Variants in POC1A observed in about 807,000 individuals in gnomAD.
The protein encoded by POC1A is POC1 centriolar protein A.
Under a neutral mutation model 47.8 loss-of-function variants are expected in POC1A, and 34 were observed. That is an observed-to-expected ratio of 0.71 (90% CI 0.54 to 0.95). The LOEUF is 0.95. Ranked by LOEUF, POC1A falls within the 40% of genes least tolerant of loss-of-function variation. The pLI, the probability that POC1A is intolerant of heterozygous loss-of-function variation, is 0.00. For missense variants in POC1A, 466 were observed against 528.3 expected (o/e 0.88, Z 1.16); for synonymous variants, 177 against 207.6 (o/e 0.85, Z 1.27).
At chr3:52,133,062 G>T (rs1205441540) in intron 7 of POC1A, among the ~76,000 whole-genome samples, 1 of 151,860 alleles carries the variant, frequency 6.6e-6, no homozygotes, top group Non-Finnish European at 1.5e-5. Context: ...AAAAAAGAAA[G>T]AAAGAAATTG....
At chr3:52,115,147 G>T (rs1311659700) in intron 9 of POC1A, among the ~76,000 whole-genome samples, 1 of 151,954 alleles carries the variant, frequency 6.6e-6, no homozygotes, top group Admixed American at 6.6e-5. Context: ...CCCTTTAATA[G>T]TATTTTTTTT....
chr3:52,103,625 G>C (rs1234670638), intron 9 of POC1A, among the ~76,000 whole-genome samples: 1 of 152,116 alleles, frequency 6.6e-6, no homozygotes, highest in African/African-American at 2.4e-5. Context: ...CTTGGGTTGG[G>C]TATATTCCTT....
intron 10 of POC1A, among the ~76,000 whole-genome samples, chr3:52,095,055 C>A (rs1046781351): frequency 3.9e-5 from 6 of 152,232 alleles, no homozygotes; most frequent in African/African-American, 1.4e-4. Context: ...TTTTTAACCA[C>A]CTTCTCAGAC....
intron 9 of POC1A, among the ~76,000 whole-genome samples, chr3:52,114,866 G>A (rs1201222507): frequency 6.6e-6 from 1 of 152,232 alleles, no homozygotes; most frequent in African/African-American, 2.4e-5. Context: ...CCTTAGAAGA[G>A]GGTCTGCTTT....
Position 52,154,396 on chromosome 3 carries a change from C to T in POC1A, c.-24G>A. The T allele has an allele frequency of 6.9e-7, 1 of 1,458,892 alleles. No individual in the cohort carries two copies. 90.4% of individuals were successfully genotyped at this position (1,458,892 alleles called of 1,614,324 possible). Reference sequence around the variant, plus strand: ...ATGGCGGGGCTGGCGGCGCCGAAGGCAGCTGCGGTGGCCGTTGCGGCCCGT... The same window carrying T: ...ATGGCGGGGCTGGCGGCGCCGAAGGTAGCTGCGGTGGCCGTTGCGGCCCGT... On this transcript the variant is annotated 5_prime_UTR_variant, in exon 1 of 11. Coordinates refer to ENST00000296484, the MANE Select transcript of POC1A (RefSeq NM_015426.5).
At chr3:52,086,573 T>C (rs1577804673) in intron 10 of POC1A, among the ~76,000 whole-genome samples, 1 of 152,372 alleles carries the variant, frequency 6.6e-6, no homozygotes, top group East Asian at 1.9e-4. Context: ...CCTGTGTGCG[T>C]ACACACGCAG....
At chr3:52,097,236 G>T (rs1239972361) in intron 9 of POC1A, among the ~76,000 whole-genome samples, 3 of 152,232 alleles carry the variant, frequency 2.0e-5, no homozygotes, top group African/African-American at 7.2e-5. Flanking sequence ...CTTGGTGGAA[G>T]TGTGTGTGTG....
intron 7 of POC1A, among the ~76,000 whole-genome samples, chr3:52,130,971 G>A (rs1023304068): frequency 1.3e-5 from 2 of 151,650 alleles, no homozygotes; most frequent in East Asian, 1.9e-4. Flanking sequence ...AGACAGCAGC[G>A]CCTGTGCAGG....
At position 52,149,200 on chromosome 3, in the gene POC1A, C is replaced by T; in HGVS notation, c.455+10G>A. ...TTCCTCCAAGGGTCTCCAGACAGAA[C>T]AATGCTCACTTGGCACAGCGGACCC... is the stretch of plus-strand genomic sequence containing the variant. On this transcript the variant is annotated intron_variant, in intron 4 of 10. Transcript: ENST00000296484. 6.2e-7 allele frequency: 1 copy of T among 1,613,784 alleles called. No homozygotes were observed. Among genetic ancestry groups the T allele is most frequent in the South Asian group, 1.1e-5 (1 of 91,068 alleles).
chr3:52,091,620 T>C (rs1702651140), intron 10 of POC1A, among the ~76,000 whole-genome samples: 1 of 152,036 alleles, frequency 6.6e-6, no homozygotes. Context: ...TCTCTTATCC[T>C]CCTGCCTAGC....
Position 52,122,443 on chromosome 3 carries a change from T to C in POC1A, c.917A>G (p.Asp306Gly). The C allele has an allele frequency of 1.9e-6, 3 of 1,612,526 alleles. No individual in the cohort carries two copies. Among genetic ancestry groups the C allele is most frequent in the Non-Finnish European group, 1.7e-6 (2 of 1,178,586 alleles). Reference protein sequence around the residue: ...MVWKSNFDIVDHGEVTKVPRP... With the variant: ...MVWKSNFDIVGHGEVTKVPRP... ...CGGCACTTTCGTGACTTCTCCATGA[T>C]CAACAATATCAAAGTTACTCTTCCA... The change falls in exon 9 of 11, where the codon GAT becomes GGT. Residue 306 changes from aspartate to glycine, a missense_variant. Physicochemically the swap from Asp to Gly is moderately conservative, Grantham distance 94 (BLOSUM62 -1). Transcript: ENST00000296484.
chr3:52,145,843 C>G lies in POC1A; in HGVS notation c.679+3G>C. 6.2e-7 allele frequency: 1 copy of G among 1,603,656 alleles called. No individual in the cohort carries two copies. Among genetic ancestry groups the G allele is most frequent in the Non-Finnish European group, 8.5e-7 (1 of 1,170,910 alleles). ...TGGGCCCAGGAGGCTGTTCACCACT[C>G]ACACTGATAATGCTGCAGCAGCCGG... is the stretch of plus-strand genomic sequence containing the variant. On this transcript the variant is annotated splice_donor_region_variant and intron_variant, in intron 6 of 10. Transcript: ENST00000296484.
At chr3:52,093,035 T>G (rs1702697062) in intron 10 of POC1A, among the ~76,000 whole-genome samples, 1 of 152,182 alleles carries the variant, frequency 6.6e-6, no homozygotes, top group Non-Finnish European at 1.5e-5. Context: ...TCAACTTCTC[T>G]GTGTCCCCAT....
At chr3:52,149,786 C>T in intron 3 of POC1A, 30 bp downstream of exon 3, 1 of 1,599,248 alleles carries the variant, frequency 6.3e-7, no homozygotes, top group Non-Finnish European at 8.5e-7. Flanking sequence ...CCCCAGACTC[C>T]AACAAGCCTC....
chr3:52,081,146 T>C (rs1702266261), intron 10 of POC1A, among the ~76,000 whole-genome samples: 1 of 152,236 alleles, frequency 6.6e-6, no homozygotes, highest in South Asian at 2.1e-4. Flanking sequence ...ATCGAATGTA[T>C]TCTGTTGTTT....
intron 9 of POC1A, among the ~76,000 whole-genome samples, chr3:52,114,946 G>A (rs975420236): frequency 6.6e-6 from 1 of 152,208 alleles, no homozygotes; most frequent in African/African-American, 2.4e-5. Flanking sequence ...TTCAGCCAAA[G>A]GGTGTGAGCA....
chr3:52,112,145 ACTTT>A (rs1703408727), intron 9 of POC1A, among the ~76,000 whole-genome samples: 1 of 152,118 alleles, frequency 6.6e-6, no homozygotes, highest in African/African-American at 2.4e-5. Context: ...GCAGCACTGG[ACTTT>A]CTTTCTTGCT....
chr3:52,106,535 C>T (rs188987093), intron 9 of POC1A, among the ~76,000 whole-genome samples: 2 of 152,074 alleles, frequency 1.3e-5, no homozygotes, highest in African/African-American at 2.4e-5. Context: ...AAATAAAAAT[C>T]GTGAAGGGGT....
intron 10 of POC1A, among the ~76,000 whole-genome samples, chr3:52,077,420 A>T (rs1702151399): frequency 1.3e-5 from 2 of 152,260 alleles, no homozygotes; most frequent in Non-Finnish European, 2.9e-5. Flanking sequence ...ATTAGCTGCC[A>T]TGGAGGGTGC....
Sources: allele counts gnomAD v4.1 joint callset (sites outside exome capture counted in the v4.1 genomes callset), GRCh38; gene constraint gnomAD v4.1.1; transcripts MANE v1.5; gene names NCBI Gene and HGNC (gene_info 2026-07-23, HGNC 2026-07-21).